The following BDKRB2 variants were observed in gnomAD, a reference collection of about 807,000 sequenced individuals.
BDKRB2 encodes B2 bradykinin receptor.
Under a neutral mutation model 4.0 loss-of-function variants are expected in BDKRB2, and 6 were observed. The ratio of observed to expected loss-of-function variants is 1.49; its 90% confidence interval spans 0.81 to 2.93. The LOEUF (loss-of-function observed/expected upper bound fraction) is 2.93, where lower values mean the gene tolerates loss of function less well. Among genes scored for constraint, BDKRB2 ranks in the 30% most tolerant of loss-of-function variants. The pLI is 0.00. For missense variants in BDKRB2, 478 were observed against 520.1 expected (o/e 0.92, Z 0.79); for synonymous variants, 225 against 215.3 (o/e 1.05, Z -0.40).
intron 1 of BDKRB2, among the ~76,000 whole-genome samples, chr14:96,212,130 G>C (rs12888402): frequency 0.36 from 54,629 of 151,940 alleles, 11,005 homozygotes; most frequent in Non-Finnish European, 0.47. Context: ...ATTCTTTTTC[G>C]CACTCTGAAA....
chr14:96,240,415 C>T lies in BDKRB2; in HGVS notation c.87C>T (p.Leu29=). The T allele has an allele frequency of 1.4e-6, 2 of 1,459,878 alleles. No homozygotes were observed. Among genetic ancestry groups the T allele is most frequent in the Non-Finnish European group, 1.8e-6 (2 of 1,104,518 alleles). The allele number at this position is 1,459,878 out of a possible 1,614,324, so 90.4% of individuals were successfully genotyped here. A position where few individuals can be genotyped will look rare whatever the true frequency, so the allele number is the denominator to read the frequency against. Residue 29 remains leucine (L), a synonymous_variant, in exon 3 of 3, where the codon CTC becomes CTT. Transcript: ENST00000554311. Reference sequence around the variant, plus strand: ...CACTTTCTTTCAGCGCCGACATGCTCAATGTCACCTTGCAAGGGCCCACTC... The same window carrying T: ...CACTTTCTTTCAGCGCCGACATGCTTAATGTCACCTTGCAAGGGCCCACTC... The part of the protein sequence containing the change: ...PTTASFSADM[L]NVTLQGPTLN...
At chr14:96,206,766 C>T (rs913628272) in intron 1 of BDKRB2, among the ~76,000 whole-genome samples, 1 of 152,082 alleles carries the variant, frequency 6.6e-6, no homozygotes, top group Non-Finnish European at 1.5e-5. Context: ...GTGGGGGGAG[C>T]CCTGCAGATT....
chr14:96,209,524 T>A, intron 1 of BDKRB2, among the ~76,000 whole-genome samples: 1 of 152,004 alleles, frequency 6.6e-6, no homozygotes, highest in East Asian at 1.9e-4. Context: ...AAGCAGGCAG[T>A]AGGGGAAAGA....
At chr14:96,223,243 C>T (rs1214319193) in intron 1 of BDKRB2, 12 of 1,077,208 alleles carry the variant, frequency 1.1e-5, no homozygotes, top group Non-Finnish European at 1.7e-5. Context: ...ATGGAGGAAT[C>T]TTGGCGTTCA....
rs763745993 is a variant in BDKRB2 at position 96,227,634 on chromosome 14, T to C, written c.-39-9435T>C. On this transcript the variant is annotated intron_variant, in intron 1 of 2. Coordinates refer to ENST00000554311, the MANE Select transcript of BDKRB2 (RefSeq NM_001379692.1). The stretch of plus-strand genomic sequence containing the variant: ...GCACACACAAACACACACACATATA[T>C]ACACACACCAACACAAACACACATG... Among the ~76,000 whole-genome samples the C allele has an allele frequency of 1.2e-4, 18 of 151,218 alleles. 1 individual carries two copies. The highest frequency in any genetic ancestry group is 7.3e-4 in the Admixed American group (11 of 15,152).
In BDKRB2 at chr14:96,241,669, C is replaced by G. The variant is rs1885298545; in HGVS notation, c.*165C>G. 1 of 1,233,974 alleles carries G rather than the reference C, an allele frequency of 8.1e-7. No individual in the cohort carries two copies. Among genetic ancestry groups the G allele is most frequent in the Admixed American group, 3.3e-5 (1 of 30,218 alleles). 76.4% of individuals were successfully genotyped at this position (1,233,974 alleles called of 1,614,324 possible). On this transcript the variant is annotated 3_prime_UTR_variant, in exon 3 of 3. Coordinates refer to ENST00000554311, the MANE Select transcript of BDKRB2 (RefSeq NM_001379692.1). ...CTAATTCCTGCCCTGCCCAATTTTG[C>G]AGGGAGCATGGCTGTGAGGATGGGG...
intron 1 of BDKRB2, among the ~76,000 whole-genome samples, chr14:96,218,313 G>C (rs570732791): frequency 1.3e-5 from 2 of 152,246 alleles, no homozygotes; most frequent in East Asian, 3.9e-4. Flanking sequence ...GCTCTAGCAT[G>C]TCTGTGGTCC....
At chr14:96,209,093 A>G (rs1012391988) in intron 1 of BDKRB2, among the ~76,000 whole-genome samples, 3 of 152,180 alleles carry the variant, frequency 2.0e-5, no homozygotes, top group Admixed American at 1.3e-4. Flanking sequence ...GAGAAAGACC[A>G]AAATTTGTCA....
chr14:96,213,154 C>T (rs1472669699), intron 1 of BDKRB2, among the ~76,000 whole-genome samples: 1 of 152,200 alleles, frequency 6.6e-6, no homozygotes, highest in Non-Finnish European at 1.5e-5. Flanking sequence ...AAGACTACTG[C>T]TGTGCCAACA....
chr14:96,224,186 G>A (rs1373874388), intron 1 of BDKRB2, among the ~76,000 whole-genome samples: 1 of 152,178 alleles, frequency 6.6e-6, no homozygotes, highest in Non-Finnish European at 1.5e-5. Context: ...GATTGGCTGC[G>A]AGTTGGTAAT....
chr14:96,206,736 G>A (rs1890188838), intron 1 of BDKRB2, among the ~76,000 whole-genome samples: 1 of 152,174 alleles, frequency 6.6e-6, no homozygotes, highest in Admixed American at 6.5e-5. Flanking sequence ...TGTGGTCAGG[G>A]AGGGGCCCAC....
At chr14:96,207,596 A>G (rs566684895) in intron 1 of BDKRB2, among the ~76,000 whole-genome samples, 114 of 152,248 alleles carry the variant, frequency 7.5e-4, no homozygotes, top group Non-Finnish European at 1.5e-3. Context: ...CCCTGATGAA[A>G]ACTATGGACT....
intron 1 of BDKRB2, among the ~76,000 whole-genome samples, chr14:96,206,216 G>A (rs1890176451): frequency 1.3e-5 from 2 of 152,044 alleles, no homozygotes; most frequent in South Asian, 4.1e-4. Flanking sequence ...CCCCTGCTTG[G>A]GGTGAGAGCA....
chr14:96,213,360 T>C (rs1046117859), intron 1 of BDKRB2, among the ~76,000 whole-genome samples: 1 of 152,166 alleles, frequency 6.6e-6, no homozygotes, highest in East Asian at 1.9e-4. Flanking sequence ...TCTCTGAATC[T>C]GTAACCCCAA....
chr14:96,228,807 C>T (rs1332853777), intron 1 of BDKRB2, among the ~76,000 whole-genome samples: 1 of 152,208 alleles, frequency 6.6e-6, no homozygotes, highest in Non-Finnish European at 1.5e-5. Flanking sequence ...ATCACCTGCA[C>T]CAAGAACCTC....
chr14:96,236,478 G>A (rs550803231), intron 1 of BDKRB2, among the ~76,000 whole-genome samples: 164 of 152,082 alleles, frequency 1.1e-3, no homozygotes, highest in African/African-American at 3.8e-3. Context: ...CACCTGCCTC[G>A]CCCCTGTCCT....
chr14:96,230,977 G>A (rs1027963419), intron 1 of BDKRB2, among the ~76,000 whole-genome samples: 8 of 152,022 alleles, frequency 5.3e-5, no homozygotes, highest in Non-Finnish European at 1.0e-4. Flanking sequence ...TAAGGGGAAT[G>A]AGTGGTATTA....
chr14:96,221,418 C>G (rs1890557582), intron 1 of BDKRB2, among the ~76,000 whole-genome samples: 1 of 152,080 alleles, frequency 6.6e-6, no homozygotes, highest in African/African-American at 2.4e-5. Flanking sequence ...TGTCTGGAGC[C>G]CTGCTGGCTG....
chr14:96,224,854 C>T (rs1483204772), intron 1 of BDKRB2, among the ~76,000 whole-genome samples: 1 of 152,170 alleles, frequency 6.6e-6, no homozygotes, highest in Non-Finnish European at 1.5e-5. Context: ...CAAGGGGCTC[C>T]ACCTCCTGAG....
Sources: gnomAD v4.1 joint callset for allele counts (sites outside exome capture counted in the v4.1 genomes callset) on GRCh38, gnomAD v4.1.1 for gene constraint, MANE v1.5 for transcripts, NCBI Gene and HGNC (gene_info 2026-07-23, HGNC 2026-07-21) for gene names.